The following MACF1 variants were observed in gnomAD, a reference collection of about 807,000 sequenced individuals.
The protein encoded by MACF1 is microtubule-actin cross-linking factor 1.
MACF1 carries 193 observed loss-of-function variants against 854.8 expected under a neutral mutation model. The ratio of observed to expected loss-of-function variants is 0.23; its 90% confidence interval spans 0.20 to 0.25. The LOEUF (loss-of-function observed/expected upper bound fraction) is 0.25. Ranked by LOEUF, MACF1 falls within the 10% of genes least tolerant of loss-of-function variation. The pLI, the probability that MACF1 is intolerant of heterozygous loss-of-function variation, is 1.00. For synonymous variants in MACF1, 3,185 were observed against 3,226.7 expected (o/e 0.99, Z 0.44); for missense variants, 7,722 against 8,929.1 (o/e 0.86, Z 5.45).
Position 39,437,800 on chromosome 1 carries a change from G to T in MACF1, c.18012G>T (p.Met6004Ile). Residue 6004 changes from methionine to isoleucine, a missense_variant, in exon 71 of 101, where the codon ATG becomes ATT. By Grantham distance (10) the Met-to-Ile change is conservative. Around this residue, in one of 15 missense-constraint regions of MACF1, gnomAD observed 2,807 missense variants for 3,235.8 expected, o/e 0.87. Coordinates refer to ENST00000564288, the MANE Select transcript of MACF1 (RefSeq NM_001394062.1). ...AGTTTCATGATAAAATTGAGCCTAT[G>T]TTGGAGACACTGGAGAATCTTTCCT... ...STQFHDKIEPMLETLENLSSR... is the reference protein window; with the variant it reads ...STQFHDKIEPILETLENLSSR... 1 of 1,614,010 alleles carries T rather than the reference G, an allele frequency of 6.2e-7. No individual in the cohort carries two copies. Among genetic ancestry groups the T allele is most frequent in the South Asian group, 1.1e-5 (1 of 91,076 alleles).
At chr1:39,121,734 C>T (rs1642720179) in intron 2 of MACF1, among the ~76,000 whole-genome samples, 1 of 152,200 alleles carries the variant, frequency 6.6e-6, no homozygotes, top group Admixed American at 6.5e-5. Flanking sequence ...AGGCGTGAGC[C>T]ACCGCGCCAG....
Position 39,316,391 on chromosome 1 carries a change from G to A in MACF1, c.3450G>A (p.Lys1150=), listed in dbSNP as rs147586507. 1.8e-3 allele frequency: 2,975 copies of A among 1,608,998 alleles called. 40 individuals are homozygous for A. In the Admixed American group the frequency reaches 0.022, roughly 12 times the overall value. ...AAGGAATGTGTATTTGTCCCCACAG[G>A]TTAAAGACAGTTGATGTTATAGTAC... ...VYGLSTVYLN[K]LKTVDVIVRS... Residue 1150 remains lysine (K), a splice_region_variant and synonymous_variant, in exon 28 of 101, where the codon AAG becomes AAA. Coordinates refer to ENST00000564288, the MANE Select transcript of MACF1 (RefSeq NM_001394062.1).
chr1:39,357,624 T>G lies in MACF1; in HGVS notation c.11674T>G (p.Trp3892Gly), dbSNP rs1647704440. ...GCAGGATCATAAAGAGTTTGAAAGCTGGTTGGAACGATCCGAGAAAGAGCT... is the reference window on the plus strand; with the variant it reads ...GCAGGATCATAAAGAGTTTGAAAGCGGGTTGGAACGATCCGAGAAAGAGCT... ...FLQDHKEFES[W>G]LERSEKELEN... Residue 3892 changes from tryptophan to glycine, a missense_variant, in exon 45 of 101, where the codon TGG becomes GGG. This residue lies in a region of MACF1 where 2,807 missense variants were observed against 3,235.8 expected (regional missense o/e 0.87). Transcript: ENST00000564288. 2.5e-6 allele frequency: 4 copies of G among 1,614,104 alleles called. No individual in the cohort carries two copies. Among genetic ancestry groups the G allele is most frequent in the African/African-American group, 2.7e-5 (2 of 75,018 alleles).
chr1:39,177,166 G>A (rs528028698), intron 2 of MACF1, among the ~76,000 whole-genome samples: 1 of 152,046 alleles, frequency 6.6e-6, no homozygotes, highest in South Asian at 2.1e-4. Context: ...ACCTAGTTTC[G>A]CTCTTGTTGC....
chr1:39,123,738 G>A (rs1200041894), intron 2 of MACF1, among the ~76,000 whole-genome samples: 3 of 26,390 alleles, frequency 1.1e-4, no homozygotes, highest in Non-Finnish European at 2.3e-4. Flanking sequence ...TTTTTTTTTT[G>A]TCCGAGGCAG....
At chr1:39,132,652 C>T (rs750262377) in intron 2 of MACF1, among the ~76,000 whole-genome samples, 22 of 152,122 alleles carry the variant, frequency 1.4e-4, no homozygotes, top group African/African-American at 4.6e-4. Flanking sequence ...GATGTGATTC[C>T]TCCCCCTTCC....
Position 39,332,974 on chromosome 1 carries a change from G to T in MACF1, c.6386G>T (p.Gly2129Val). Residue 2129 changes from glycine to valine, a missense_variant, in exon 37 of 101, where the codon GGA (glycine) becomes GTA (valine). Transcript: ENST00000564288. ...AVSVRENASRGHLLTIPPAEA... is the reference protein window; with the variant it reads ...AVSVRENASRVHLLTIPPAEA... ...TCTGTCAGAGAAAATGCCAGCAGGG[G>T]ACACCTCCTGACCATACCTCCTGCT... The T allele has an allele frequency of 1.9e-6, 3 of 1,614,134 alleles. No individual in the cohort carries two copies. Among genetic ancestry groups the T allele is most frequent in the Non-Finnish European group, 2.5e-6 (3 of 1,180,034 alleles).
In MACF1 at chr1:39,429,290, A is replaced by G; in HGVS notation, c.16852A>G (p.Ile5618Val). Residue 5618 changes from isoleucine (I) to valine (V), a missense_variant, in exon 64 of 101, where the codon ATT becomes GTT. By Grantham distance (29) the Ile-to-Val change is conservative. Coordinates refer to ENST00000564288, the MANE Select transcript of MACF1 (RefSeq NM_001394062.1). ...VNRKKNVDQA[I>V]KNGQALLKQT... Reference sequence around the variant, plus strand: ...TAGAAAGAAGAATGTAGATCAAGCTATTAAAAATGGTCAGGCTCTTCTAAA... The same window carrying G: ...TAGAAAGAAGAATGTAGATCAAGCTGTTAAAAATGGTCAGGCTCTTCTAAA... 4 of 1,589,388 alleles carry G rather than the reference A, an allele frequency of 2.5e-6. No homozygotes were observed. The highest frequency in any genetic ancestry group is 1.3e-5 in the African/African-American group (1 of 74,412).
In MACF1 at chr1:39,387,765, G is replaced by A; in HGVS notation, c.14923G>A (p.Ala4975Thr). The stretch of plus-strand genomic sequence containing the variant: ...TGACATTCTGATCAATTCTTCAGAA[G>A]CAGATGAGGATGGAATCCGGGATGA... ...AADILINSSE[A>T]DEDGIRDEKA... is the part of the protein sequence containing the mutation. Residue 4975 changes from alanine (A) to threonine (T), a missense_variant, in exon 58 of 101, where the codon GCA becomes ACA. Ala to Thr is a moderately conservative substitution (Grantham distance 58). Transcript: ENST00000564288. 6.2e-7 allele frequency: 1 copy of A among 1,614,174 alleles called. No homozygotes were observed. Among genetic ancestry groups the A allele is most frequent in the Non-Finnish European group, 8.5e-7 (1 of 1,180,032 alleles).
In MACF1 at chr1:39,273,994, T is replaced by C. The variant is rs1302257098; in HGVS notation, c.529-8214T>C. Among the ~76,000 whole-genome samples the C allele has an allele frequency of 2.0e-5, 3 of 152,198 alleles. No homozygotes were observed. The East Asian group carries it at 5.8e-4, about 29-fold the overall frequency. On this transcript the variant is annotated intron_variant, in intron 6 of 100. Coordinates refer to ENST00000564288, the MANE Select transcript of MACF1 (RefSeq NM_001394062.1). ...GTGGTTATGTTTTAAAAAAGGCCTT[T>C]TACAGATACATACTGAAATGTTTTT...
chr1:39,254,871 A>G (rs1645080439), intron 5 of MACF1, among the ~76,000 whole-genome samples: 1 of 152,132 alleles, frequency 6.6e-6, no homozygotes, highest in African/African-American at 2.4e-5. Context: ...AGTATAGTAG[A>G]GCTAGATATA....
At chr1:39,402,244 TTTC>T (rs559270603) in intron 58 of MACF1, among the ~76,000 whole-genome samples, 91 of 152,248 alleles carry the variant, frequency 6.0e-4, no homozygotes, top group African/African-American at 2.2e-3. Flanking sequence ...CAGAGACCTC[TTTC>T]ATGGAAATAA....
chr1:39,431,409 A>G (rs772974303), intron 66 of MACF1, among the ~76,000 whole-genome samples: 1 of 152,180 alleles, frequency 6.6e-6, no homozygotes, highest in African/African-American at 2.4e-5. Context: ...GAAAAAAATC[A>G]TTTGTTCTTT....
chr1:39,337,040 A>G, intron 37 of MACF1, 142 bp from the exon 38 acceptor site: 1 of 716,460 alleles, frequency 1.4e-6, no homozygotes, highest in Non-Finnish European at 2.2e-6. Context: ...ATTTGAAATG[A>G]CTTAAACAAA....
chr1:39,383,864 G>A (rs191537616), intron 56 of MACF1, among the ~76,000 whole-genome samples: 2 of 151,580 alleles, frequency 1.3e-5, no homozygotes, highest in African/African-American at 4.8e-5. Context: ...GCAACAGAGC[G>A]AGAATCCGTC....
chr1:39,320,435 G>C (rs1646492249), intron 31 of MACF1, among the ~76,000 whole-genome samples: 1 of 152,094 alleles, frequency 6.6e-6, no homozygotes, highest in Admixed American at 6.5e-5. Flanking sequence ...AAGAAACTCT[G>C]CCAGTTATGT....
At position 39,385,896 on chromosome 1, in the gene MACF1, G is replaced by A; in HGVS notation, c.14311G>A (p.Ala4771Thr). 6.2e-7 allele frequency: 1 copy of A among 1,612,840 alleles called. No homozygotes were observed. Among genetic ancestry groups the A allele is most frequent in the Non-Finnish European group, 8.5e-7 (1 of 1,179,020 alleles). Residue 4771 changes from alanine (A) to threonine (T), a missense_variant, in exon 57 of 101, where the codon GCC (alanine) becomes ACC (threonine). Ala to Thr is a moderately conservative substitution (Grantham distance 58). This residue lies in a region of MACF1 where 2,807 missense variants were observed against 3,235.8 expected (regional missense o/e 0.87). Coordinates refer to ENST00000564288, the MANE Select transcript of MACF1 (RefSeq NM_001394062.1). Reference sequence around the variant, plus strand: ...ACTGAAGAAGCGTTTGGAGACAGTTGCCCTGCCTCTCCAAGGTTTAGAAGA... The same window carrying A: ...ACTGAAGAAGCGTTTGGAGACAGTTACCCTGCCTCTCCAAGGTTTAGAAGA... ...DELKKRLETV[A>T]LPLQGLEDLA...
At chr1:39,103,287 C>A (rs1642139201) in intron 2 of MACF1, 1 of 313,110 alleles carries the variant, frequency 3.2e-6, no homozygotes, top group African/African-American at 2.2e-5. Flanking sequence ...AACCTGCTCA[C>A]AAAGTGGCGC....
At chr1:39,136,594 A>C (rs1230196674) in intron 2 of MACF1, among the ~76,000 whole-genome samples, 1 of 152,132 alleles carries the variant, frequency 6.6e-6, no homozygotes, top group African/African-American at 2.4e-5. Flanking sequence ...CCCCTGTGCA[A>C]ATTGGCCTAC....
Sources: gnomAD v4.1 joint callset for allele counts (sites outside exome capture counted in the v4.1 genomes callset) on GRCh38, gnomAD v4.1.1 for gene constraint, gnomAD v4.1.1 regional missense constraint, MANE v1.5 for transcripts, NCBI Gene and HGNC (gene_info 2026-07-23, HGNC 2026-07-21) for gene names.